The following ZNF329 variants were observed in gnomAD, a reference collection of about 807,000 sequenced individuals.
The protein encoded by ZNF329 is zinc finger protein 329.
Under a neutral mutation model 26.6 loss-of-function variants are expected in ZNF329, and 15 were observed. That is an observed-to-expected ratio of 0.56 (90% CI 0.38 to 0.87). The LOEUF is 0.87. Ranked by LOEUF, ZNF329 falls within the 40% of genes least tolerant of loss-of-function variation. ZNF329 has a pLI of 0.00. For missense variants in ZNF329, 651 were observed against 651.9 expected, an observed-to-expected ratio of 1.00 and a Z score of 0.02; for synonymous variants, 239 against 233.5, an observed-to-expected ratio of 1.02 and a Z score of -0.21.
chr19:58,150,828 G>A (rs1196902286), upstream of ZNF329: 3 of 152,682 alleles, frequency 2.0e-5, no homozygotes, highest in East Asian at 1.9e-4. Flanking sequence ...GCGCGTGCGC[G>A]GAGTCCCCGA....
Position 58,126,537 on chromosome 19 carries a change from C to T in ZNF329, c.*1341G>A, listed in dbSNP as rs2074804647. ...ATTAGAAGCATCCTAAATGAACAACCATGGAGGTAGTGGTGGGGTGATAAC... is the reference window on the plus strand; with the variant it reads ...ATTAGAAGCATCCTAAATGAACAACTATGGAGGTAGTGGTGGGGTGATAAC... On this transcript the variant is annotated 3_prime_UTR_variant, in exon 4 of 4. Coordinates refer to ENST00000598312, the MANE Select transcript of ZNF329 (RefSeq NM_024620.4). 1 of 152,140 alleles carries T rather than the reference C, an allele frequency of 6.6e-6. No individual in the cohort carries two copies. Among genetic ancestry groups the T allele is most frequent in the Admixed American group, 6.6e-5 (1 of 15,242 alleles). 9.4% of individuals were successfully genotyped at this position (152,140 alleles called of 1,614,324 possible). A position where few individuals can be genotyped will look rare whatever the true frequency, so the allele number is the denominator to read the frequency against.
At chr19:58,141,275 T>C (rs2075180796) in intron 3 of ZNF329, among the ~76,000 whole-genome samples, 1 of 151,710 alleles carries the variant, frequency 6.6e-6, no homozygotes, top group Admixed American at 6.6e-5. Context: ...GGATTACAGT[T>C]GTGAGCCACC....
At chr19:58,154,449 G>A (rs79955355), upstream of ZNF329, among the ~76,000 whole-genome samples, 4,702 of 152,238 alleles carry the variant, frequency 0.031, 209 homozygotes, top group East Asian at 0.13. Context: ...TGCCAGAAAG[G>A]CCCTCTGGCC....
At chr19:58,146,228 C>T (rs571001686) in intron 1 of ZNF329, among the ~76,000 whole-genome samples, 1 of 152,164 alleles carries the variant, frequency 6.6e-6, no homozygotes. Flanking sequence ...AATCCCAGCA[C>T]TGTAGGAGGC....
chr19:58,136,432 T>C (rs2075068077), intron 3 of ZNF329, among the ~76,000 whole-genome samples: 1 of 151,616 alleles, frequency 6.6e-6, no homozygotes, highest in Admixed American at 6.6e-5. Flanking sequence ...CCAGAACTTT[T>C]AGAGGCTGAG....
At chr19:58,145,087 G>A (rs1478472893) in intron 1 of ZNF329, among the ~76,000 whole-genome samples, 1 of 148,606 alleles carries the variant, frequency 6.7e-6, no homozygotes. Flanking sequence ...CTGACCTCGT[G>A]ACCCGCCCGC....
At chr19:58,141,408 C>T (rs529455004) in intron 3 of ZNF329, among the ~76,000 whole-genome samples, 2 of 152,110 alleles carry the variant, frequency 1.3e-5, no homozygotes, top group Admixed American at 1.3e-4. Context: ...AAGTGATTCT[C>T]CTGACTCAGT....
chr19:58,153,650 C>A (rs150561732), upstream of ZNF329, among the ~76,000 whole-genome samples: 1 of 152,290 alleles, frequency 6.6e-6, no homozygotes, highest in Non-Finnish European at 1.5e-5. Flanking sequence ...TCTGTTTGTT[C>A]TTGGGGTAGG....
chr19:58,150,039 G>A (rs1301025355), intron 1 of ZNF329, among the ~76,000 whole-genome samples: 2 of 152,098 alleles, frequency 1.3e-5, no homozygotes, highest in Admixed American at 1.3e-4. Context: ...TAACCGGGTC[G>A]TTCACTGCAC....
chr19:58,144,179 A>G (rs890874182), intron 1 of ZNF329, among the ~76,000 whole-genome samples: 1 of 151,736 alleles, frequency 6.6e-6, no homozygotes, highest in Non-Finnish European at 1.5e-5. Flanking sequence ...GTTATTTTTT[A>G]TTTTTTTATT....
Position 58,126,421 on chromosome 19 carries a change from T to TA in ZNF329, c.*1456dup, listed in dbSNP as rs1357843478. The TA allele has an allele frequency of 6.6e-6, 1 of 152,224 alleles. No individual in the cohort carries two copies. Among genetic ancestry groups the TA allele is most frequent in the Admixed American group, 6.5e-5 (1 of 15,280 alleles). The allele number at this position is 152,224 out of a possible 1,614,324, so 9.4% of individuals were successfully genotyped here. On this transcript the variant is annotated 3_prime_UTR_variant, in exon 4 of 4. Transcript: ENST00000598312. ...ACATATTTTTACATGGCTGGAATAA[T>TA]AGTAAATCTTCTATTTGATGCCCCT... is the stretch of plus-strand genomic sequence containing the variant.
intron 2 of ZNF329, among the ~76,000 whole-genome samples, 179 bp from the exon 3 acceptor site, chr19:58,142,840 C>T (rs771133793): frequency 6.6e-6 from 1 of 152,172 alleles, no homozygotes; most frequent in Non-Finnish European, 1.5e-5. Context: ...CCCCTTTCTC[C>T]TTCTCCCTCT....
At chr19:58,144,186 T>C (rs2075248737) in intron 1 of ZNF329, among the ~76,000 whole-genome samples, 1 of 151,936 alleles carries the variant, frequency 6.6e-6, no homozygotes, top group Admixed American at 6.6e-5. Flanking sequence ...TTTATTTTTT[T>C]ATTTTTCAGA....
intron 3 of ZNF329, among the ~76,000 whole-genome samples, chr19:58,132,985 TGTACTTTTA>T (rs1350782500): frequency 1.3e-5 from 2 of 152,022 alleles, no homozygotes; most frequent in East Asian, 3.9e-4. Flanking sequence ...GCTAATTTTT[TGTACTTTTA>T]GTAGAGACAG....
chr19:58,144,850 CTTT>C (rs71188086), intron 1 of ZNF329, among the ~76,000 whole-genome samples: 1,612 of 120,322 alleles, frequency 0.013, 39 homozygotes, highest in African/African-American at 0.044. Context: ...AATTTTTTTT[CTTT>C]TTTTTTTTTT....
chr19:58,150,188 CCTCA>C (rs1341376111), intron 1 of ZNF329, among the ~76,000 whole-genome samples: 6 of 152,220 alleles, frequency 3.9e-5, no homozygotes, highest in South Asian at 2.1e-4. Context: ...AAAATGCGGC[CCTCA>C]CTGAGAATTG....
chr19:58,151,864 G>C (rs1470746918), upstream of ZNF329, among the ~76,000 whole-genome samples: 1 of 152,158 alleles, frequency 6.6e-6, no homozygotes. Context: ...AGTTACACCT[G>C]TGATGCTTGA....
chr19:58,153,332 A>T (rs904491592), upstream of ZNF329, among the ~76,000 whole-genome samples: 5 of 151,306 alleles, frequency 3.3e-5, no homozygotes, highest in African/African-American at 9.7e-5. Flanking sequence ...CTGGTCTCAA[A>T]CTCCTGACCT....
At chr19:58,154,735 C>G (rs1279692373), upstream of ZNF329, 2 of 152,346 alleles carry the variant, frequency 1.3e-5, no homozygotes, top group South Asian at 2.1e-4. Flanking sequence ...GGGCCGTCAC[C>G]TGGCCAGGTG....
Sources: gnomAD v4.1 joint callset for allele counts (sites outside exome capture counted in the v4.1 genomes callset) on GRCh38, gnomAD v4.1.1 for gene constraint, MANE v1.5 for transcripts, NCBI Gene and HGNC (gene_info 2026-07-23, HGNC 2026-07-21) for gene names.